The following SZT2 variants were observed in gnomAD, a reference collection of about 807,000 sequenced individuals.
SZT2 encodes the protein KICSTOR complex protein SZT2.
SZT2 carries 216 observed loss-of-function variants against 404.2 expected under a neutral mutation model. The ratio of observed to expected loss-of-function variants is 0.53; its 90% CI spans 0.48 to 0.60. SZT2 has a LOEUF of 0.60. Among genes scored for constraint, SZT2 ranks in the 20% least tolerant of loss-of-function variants. The pLI is 0.00. For missense variants in SZT2, 3,857 were observed against 4,459.2 expected, an observed-to-expected ratio of 0.86 and a Z score of 3.85; for synonymous variants, 1,693 against 1,749.9, an observed-to-expected ratio of 0.97 and a Z score of 0.81.
intron 4 of SZT2, among the ~76,000 whole-genome samples, chr1:43,409,109 A>G (rs1313993417): frequency 6.6e-6 from 1 of 152,254 alleles, no homozygotes; most frequent in Non-Finnish European, 1.5e-5. Context: ...AAAAGGCTCA[A>G]GATTAGATGG....
At position 43,440,061 on chromosome 1, in the gene SZT2, A is replaced by T. The variant is rs200015829; in HGVS notation, c.7210+13A>T. The T allele has an allele frequency of 6.2e-7, 1 of 1,613,730 alleles. No individual in the cohort carries two copies. The highest frequency in any genetic ancestry group is 8.5e-7 in the Non-Finnish European group (1 of 1,179,832). On this transcript the variant is annotated intron_variant, in intron 51 of 71. Coordinates refer to ENST00000634258, the MANE Select transcript of SZT2 (RefSeq NM_001365999.1). ...GACACACCCACAGGTATGCAAGTCA[A>T]GAGGTCCCTGGGGTCCAGAGAATGT...
rs1261010288 is a variant in SZT2, at chr1:43,439,906, A to G, written c.7068A>G (p.Arg2356=). ...CTCAGAATGGGGCCCCACGGCTTCG[A>G]TTGGATGTGTGGGAAAAGGGGAACA... ...SSAQNGAPRL[R]LDVWEKGNIS... is the part of the protein sequence containing the mutation. Residue 2356 remains arginine, a synonymous_variant, in exon 51 of 72, where the codon CGA becomes CGG. Transcript: ENST00000634258. This position sits in a 1 kb window ranked among gnomAD's most constrained non-coding sequence, Gnocchi z 4.2. 8.7e-6 allele frequency: 14 copies of G among 1,607,412 alleles called. No individual in the cohort carries two copies. Among genetic ancestry groups the G allele is most frequent in the Non-Finnish European group, 1.2e-5 (14 of 1,176,420 alleles).
chr1:43,422,377 C>T (rs1557545187), intron 12 of SZT2, 103 bp from the exon 13 acceptor site: 49 of 1,495,688 alleles, frequency 3.3e-5, no homozygotes, highest in Non-Finnish European at 4.3e-5. Context: ...TCTTCAGTCC[C>T]CATAACCTCA....
rs772947307 is a variant in SZT2 at position 43,427,638 on chromosome 1, G to A, written c.3707G>A (p.Arg1236Gln). The change falls in exon 26 of 72, where the codon CGG becomes CAG. Residue 1236 changes from arginine (R) to glutamine (Q), a missense_variant. Physicochemically the swap from Arg to Gln is conservative, Grantham distance 43. Around this residue, in one of 7 missense-constraint regions of SZT2, gnomAD observed 1,725 missense variants for 1,881.0 expected, o/e 0.92. Coordinates refer to ENST00000634258, the MANE Select transcript of SZT2 (RefSeq NM_001365999.1). ...GAGAGTGCGGATGGGCCCCGGACCC[G>A]GTGTCCTGTCTACATCTACAGCTGT... is the stretch of plus-strand genomic sequence containing the variant. ...QTESADGPRT[R>Q]CPVYIYSCSL... 9.9e-6 allele frequency: 16 copies of A among 1,614,004 alleles called. No homozygotes were observed. The highest frequency in any genetic ancestry group is 7.7e-5 in the South Asian group (7 of 91,076).
Position 43,448,473 on chromosome 1 carries a change from G to C in SZT2, c.9958G>C (p.Asp3320His). Residue 3320 changes from aspartate (D) to histidine (H), a missense_variant, in exon 69 of 72, where the codon GAC becomes CAC. Asp to His is a moderately conservative substitution (Grantham distance 81). Around this residue, in one of 7 missense-constraint regions of SZT2, gnomAD observed 717 missense variants for 868.2 expected, o/e 0.83. Transcript: ENST00000634258. The surrounding 1 kb of genome is among the most constrained non-coding windows in gnomAD (Gnocchi z 4.2). ...CCATGCCAAATCCATTGGGGACATCGACCCCCAGCTGGTAAGGAACTGTGG... is the reference window on the plus strand; with the variant it reads ...CCATGCCAAATCCATTGGGGACATCCACCCCCAGCTGGTAAGGAACTGTGG... ...AVHAKSIGDI[D>H]PQLDCFLSMT... The C allele has an allele frequency of 6.2e-7, 1 of 1,608,878 alleles. No individual in the cohort carries two copies. Among genetic ancestry groups the C allele is most frequent in the Non-Finnish European group, 8.5e-7 (1 of 1,177,614 alleles).
intron 28 of SZT2, 89 bp from the exon 29 acceptor site, chr1:43,429,614 G>C (rs534240858): frequency 3.0e-5 from 47 of 1,542,862 alleles, no homozygotes; most frequent in Non-Finnish European, 3.6e-5. Context: ...GGACAAAAAG[G>C]CTTCCTGTGC....
rs908496717 is a variant in SZT2, at chr1:43,441,962, T to A, written c.7743-38T>A. The A allele has an allele frequency of 6.3e-7, 1 of 1,597,644 alleles. No individual in the cohort carries two copies. Among genetic ancestry groups the A allele is most frequent in the Non-Finnish European group, 8.5e-7 (1 of 1,169,702 alleles). Reference sequence around the variant, plus strand: ...GTGAAGGCTAGGCCAGGGAGTGGTGTCATGGATGGCCTTTCTGTCTGTCCT... The same window carrying A: ...GTGAAGGCTAGGCCAGGGAGTGGTGACATGGATGGCCTTTCTGTCTGTCCT... On this transcript the variant is annotated intron_variant, in intron 55 of 71. Coordinates refer to ENST00000634258, the MANE Select transcript of SZT2 (RefSeq NM_001365999.1). This position sits in a 1 kb window ranked among gnomAD's most constrained non-coding sequence, Gnocchi z 4.8.
chr1:43,421,726 T>C (rs899161366), intron 11 of SZT2, among the ~76,000 whole-genome samples: 2 of 152,246 alleles, frequency 1.3e-5, no homozygotes, highest in African/African-American at 4.8e-5. Flanking sequence ...CAGTCCACGC[T>C]GTCAGCCTAA....
In SZT2 at chr1:43,443,280, A is replaced by G. The variant is rs202119542; in HGVS notation, c.8499+13A>G. 7 of 1,614,150 alleles carry G rather than the reference A, an allele frequency of 4.3e-6. No individual in the cohort carries two copies. The East Asian group carries it at 1.6e-4, about 36-fold the overall frequency. ...CATGCCCATCAGTGTGAGTGACCCC[A>G]GCTTGCATCTTCCTTGAGTATCTGT... On this transcript the variant is annotated intron_variant, in intron 60 of 71. Coordinates refer to ENST00000634258, the MANE Select transcript of SZT2 (RefSeq NM_001365999.1).
rs2153935430 is a variant in SZT2, at chr1:43,439,648, C to T, written c.6921C>T (p.Ala2307=). The T allele has an allele frequency of 1.2e-6, 2 of 1,613,804 alleles. No individual in the cohort carries two copies. The highest frequency in any genetic ancestry group is 1.7e-6 in the Non-Finnish European group (2 of 1,179,804). ...TAGCCTTTGTGGATGAAGGAGGGGC[C>T]CCCTTGTCACTGGCGTTGTGGCCCC... ...ITLAFVDEGG[A]PLSLALWPPS... The change falls in exon 50 of 72, where the codon GCC becomes GCT. Residue 2307 remains alanine, a synonymous_variant. Coordinates refer to ENST00000634258, the MANE Select transcript of SZT2 (RefSeq NM_001365999.1). The surrounding 1 kb of genome is among the most constrained non-coding windows in gnomAD (Gnocchi z 4.2).
intron 1 of SZT2, among the ~76,000 whole-genome samples, chr1:43,397,965 G>A (rs1400880573): frequency 6.6e-6 from 1 of 152,202 alleles, no homozygotes; most frequent in South Asian, 2.1e-4. Context: ...TAGATTTGCC[G>A]TGATTTTAGT....
rs371736872 is a variant in SZT2 at position 43,448,381 on chromosome 1, G to T, written c.9866G>T (p.Gly3289Val). The T allele has an allele frequency of 9.6e-5, 150 of 1,563,174 alleles. No individual in the cohort carries two copies. The highest frequency in any genetic ancestry group is 5.0e-4 in the Middle Eastern group (3 of 6,030). Residue 3289 changes from glycine (G) to valine (V), a missense_variant, in exon 69 of 72, where the codon GGG becomes GTG. By Grantham distance (109) the Gly-to-Val change is moderately radical. Around this residue, in one of 7 missense-constraint regions of SZT2, gnomAD observed 717 missense variants for 868.2 expected, o/e 0.83. Coordinates refer to ENST00000634258, the MANE Select transcript of SZT2 (RefSeq NM_001365999.1). The surrounding 1 kb of genome is among the most constrained non-coding windows in gnomAD (Gnocchi z 4.2). ...CGCCTCTTCTTGCTGGAGCCACCGG[G>T]GCCTGATCGACTGCGGCTAGGGGGG... The part of the protein sequence containing the change: ...WKRLFLLEPP[G>V]PDRLRLGGRL...
Position 43,425,175 on chromosome 1 carries a change from C to T in SZT2, c.2613C>T (p.Leu871=). 1.2e-6 allele frequency: 2 copies of T among 1,614,190 alleles called. No individual in the cohort carries two copies. The highest frequency in any genetic ancestry group is 1.7e-6 in the Non-Finnish European group (2 of 1,180,014). The change falls in exon 18 of 72, where the codon CTC becomes CTT. Residue 871 remains leucine, a synonymous_variant. Coordinates refer to ENST00000634258, the MANE Select transcript of SZT2 (RefSeq NM_001365999.1). This position sits in a 1 kb window ranked among gnomAD's most constrained non-coding sequence, Gnocchi z 4.3. ...EKHTCVVQYI[L]FPPHSTSTKD... is the part of the protein sequence containing the mutation. ...ACACCTGTGTTGTCCAGTACATCCTCTTCCCCCCACACTCTACCTCCACCA... is the reference window on the plus strand; with the variant it reads ...ACACCTGTGTTGTCCAGTACATCCTTTTCCCCCCACACTCTACCTCCACCA...
chr1:43,392,083 C>CAAAAAAAAAA, intron 1 of SZT2, among the ~76,000 whole-genome samples: 1 of 3,378 alleles, frequency 3.0e-4, no homozygotes, highest in Non-Finnish European at 4.9e-4. Flanking sequence ...GACTCCGTCT[C>CAAAAAAAAAA]AAAAAAAAAA....
chr1:43,422,977 G>T (rs770566347), intron 14 of SZT2, 94 bp downstream of exon 14: 120 of 1,492,310 alleles, frequency 8.0e-5, no homozygotes, highest in Non-Finnish European at 1.0e-4. Flanking sequence ...CTAATAGAGG[G>T]AGGAGCCCCC....
chr1:43,434,784 C>T (rs997143655), intron 41 of SZT2, among the ~76,000 whole-genome samples: 4 of 152,128 alleles, frequency 2.6e-5, no homozygotes, highest in Admixed American at 6.5e-5. Context: ...GACAGAGGGA[C>T]GCTGTAACTC....
chr1:43,403,490 G>A (rs1649930200), intron 2 of SZT2, 111 bp from the exon 3 acceptor site: 1 of 1,427,528 alleles, frequency 7.0e-7, no homozygotes, highest in Non-Finnish European at 9.6e-7. Context: ...TATACGGTTA[G>A]ATTGAGGGAG....
chr1:43,452,927 A>G lies in SZT2; in HGVS notation c.*2447A>G. The G allele has an allele frequency of 6.2e-7, 1 of 1,607,648 alleles. No individual in the cohort carries two copies. Among genetic ancestry groups the G allele is most frequent in the Non-Finnish European group, 8.5e-7 (1 of 1,177,786 alleles). ...CATGTCCAGCCTCAGGAACGCTGCCAAATACACCAGGCCTCCTCTTGCCAC... is the reference window on the plus strand; with the variant it reads ...CATGTCCAGCCTCAGGAACGCTGCCGAATACACCAGGCCTCCTCTTGCCAC... On this transcript the variant is annotated 3_prime_UTR_variant, in exon 72 of 72. Coordinates refer to ENST00000634258, the MANE Select transcript of SZT2 (RefSeq NM_001365999.1).
At chr1:43,447,235 C>A in intron 66 of SZT2, 67 bp downstream of exon 66, 1 of 1,501,748 alleles carries the variant, frequency 6.7e-7, no homozygotes, top group Non-Finnish European at 9.0e-7. Flanking sequence ...CAGGTCAGGG[C>A]TGGTGGGACC....
Sources: gnomAD v4.1 joint callset for allele counts (sites outside exome capture counted in the v4.1 genomes callset) on GRCh38, gnomAD v4.1.1 for gene constraint, gnomAD v4.1.1 regional missense constraint, Gnocchi (gnomAD v3.1) non-coding constraint, MANE v1.5 for transcripts, NCBI Gene and HGNC (gene_info 2026-07-23, HGNC 2026-07-21) for gene names.